The following HMGXB3 variants were observed in gnomAD, a reference collection of about 807,000 sequenced individuals.
The protein encoded by HMGXB3 is HMG domain-containing protein 3.
Under a neutral mutation model 121.5 loss-of-function variants are expected in HMGXB3, and 45 were observed. The observed-to-expected ratio is 0.37, with a 90% confidence interval of 0.29 to 0.47. The LOEUF (loss-of-function observed/expected upper bound fraction) is 0.47. Ranked by LOEUF, HMGXB3 falls within the 20% of genes least tolerant of loss-of-function variation. The pLI is 0.99. For missense variants in HMGXB3, 1,376 were observed against 1,602.2 expected (o/e 0.86, Z 2.41); for synonymous variants, 590 against 624.1 (o/e 0.95, Z 0.81).
intron 5 of HMGXB3, among the ~76,000 whole-genome samples, chr5:150,016,003 C>T (rs896733733): frequency 1.3e-5 from 2 of 152,116 alleles, no homozygotes; most frequent in African/African-American, 4.8e-5. Context: ...TAACGTTCAA[C>T]CCTTTTATAT....
intron 4 of HMGXB3, 129 bp downstream of exon 4, chr5:150,010,737 T>G: frequency 1.1e-6 from 1 of 895,464 alleles, no homozygotes; most frequent in Non-Finnish European, 1.7e-6. Flanking sequence ...GATACTGCAG[T>G]TCTCTTGAAT....
In HMGXB3 at chr5:150,027,034, G is replaced by C. The variant is rs1023230209; in HGVS notation, c.1651G>C (p.Val551Leu). The C allele has an allele frequency of 3.9e-6, 6 of 1,551,600 alleles. No individual in the cohort carries two copies. In the African/African-American group the frequency reaches 8.2e-5, roughly 21 times the overall value. ...GGTTCTCTCAGATAAGACTCCCTCT[G>C]TGAGGACTTGTGGTCTGAAGCCAAG... Reference protein sequence around the residue: ...AFSLSDKTPSVRTCGLKPSTL... With the variant: ...AFSLSDKTPSLRTCGLKPSTL... Residue 551 changes from valine (V) to leucine (L), a missense_variant, in exon 9 of 20, where the codon GTG becomes CTG. This residue lies in a region of HMGXB3 where 1,116 missense variants were observed against 1,369.0 expected (regional missense o/e 0.82). Transcript: ENST00000502717.
intron 1 of HMGXB3, 100 bp from the exon 2 acceptor site, chr5:150,004,751 C>T: frequency 1.3e-6 from 1 of 784,694 alleles, no homozygotes; most frequent in Non-Finnish European, 2.0e-6. Context: ...ATGTCTAAGC[C>T]TTAAGGCACT....
chr5:150,009,167 A>G (rs891016967), intron 3 of HMGXB3, among the ~76,000 whole-genome samples: 2 of 152,202 alleles, frequency 1.3e-5, no homozygotes, highest in Non-Finnish European at 2.9e-5. Context: ...CTTGGTGCCA[A>G]TTAGCCATTC....
intron 6 of HMGXB3, among the ~76,000 whole-genome samples, chr5:150,022,630 A>G (rs1257528452): frequency 1.3e-5 from 2 of 152,140 alleles, no homozygotes; most frequent in African/African-American, 4.8e-5. Flanking sequence ...TTGCTCAAAA[A>G]TCTTATCTCA....
intron 18 of HMGXB3, among the ~76,000 whole-genome samples, chr5:150,049,584 G>C (rs1756843622): frequency 1.3e-5 from 2 of 152,220 alleles, no homozygotes; most frequent in South Asian, 4.1e-4. Context: ...GCAGATCAGA[G>C]CCTGCTCAGG....
chr5:150,018,742 G>A, intron 6 of HMGXB3, 45 bp downstream of exon 6: 2 of 1,498,700 alleles, frequency 1.3e-6, no homozygotes, highest in Non-Finnish European at 1.8e-6. Context: ...TCACAGAATA[G>A]ACTTTCTGTT....
intron 9 of HMGXB3, among the ~76,000 whole-genome samples, chr5:150,029,675 T>C (rs897943263): frequency 2.0e-5 from 3 of 152,228 alleles, no homozygotes; most frequent in African/African-American, 7.2e-5. Context: ...TGACCTGTAG[T>C]TTGAAAACTG....
intron 9 of HMGXB3, among the ~76,000 whole-genome samples, chr5:150,029,330 GTT>G (rs79467916): frequency 6.5e-5 from 9 of 139,444 alleles, no homozygotes; most frequent in Non-Finnish European, 6.2e-5. Flanking sequence ...TAGTTATCAA[GTT>G]TTTTTTTTTT....
chr5:150,028,651 C>T (rs1756303647), intron 9 of HMGXB3, among the ~76,000 whole-genome samples: 3 of 147,834 alleles, frequency 2.0e-5, no homozygotes, highest in South Asian at 4.3e-4. Context: ...ACTGCAGCCT[C>T]GAACTCCTGG....
intron 1 of HMGXB3, among the ~76,000 whole-genome samples, chr5:150,004,024 T>G (rs1490678168): frequency 6.6e-6 from 1 of 151,898 alleles, no homozygotes. Context: ...TTTTTTTTTT[T>G]AATTAAAAAA....
In HMGXB3 at chr5:150,018,546, G is replaced by A; in HGVS notation, c.910-20G>A. On this transcript the variant is annotated intron_variant, in intron 5 of 19. Coordinates refer to ENST00000502717, the MANE Select transcript of HMGXB3 (RefSeq NM_014983.3). ...TGAGAGAGGTTGTTCTATTGATTCT[G>A]ATGTGCTCTTTATTTACAGACCACT... is the stretch of plus-strand genomic sequence containing the variant. 3.9e-6 allele frequency: 6 copies of A among 1,524,176 alleles called. No homozygotes were observed. Among genetic ancestry groups the A allele is most frequent in the Non-Finnish European group, 5.3e-6 (6 of 1,132,554 alleles). 94.4% of individuals were successfully genotyped at this position (1,524,176 alleles called of 1,614,324 possible).
At chr5:150,041,322 T>G (rs939912238) in intron 14 of HMGXB3, among the ~76,000 whole-genome samples, 4 of 152,190 alleles carry the variant, frequency 2.6e-5, no homozygotes, top group Non-Finnish European at 5.9e-5. Context: ...TCCTATAGGC[T>G]CCAATCCCCC....
chr5:150,010,060 T>C, intron 3 of HMGXB3, 51 bp from the exon 4 acceptor site: 1 of 1,511,912 alleles, frequency 6.6e-7, no homozygotes, highest in Non-Finnish European at 8.9e-7. Context: ...CATGTGGTCT[T>C]AGTCCATTTA....
At position 150,052,366 on chromosome 5, in the gene HMGXB3, G is replaced by T. The variant is rs1195439941; in HGVS notation, c.*174G>T. The T allele has an allele frequency of 3.3e-6, 2 of 612,680 alleles. No homozygotes were observed. The highest frequency in any genetic ancestry group is 5.5e-5 in the East Asian group (2 of 36,266). 38.0% of individuals were successfully genotyped at this position (612,680 alleles called of 1,614,324 possible). On this transcript the variant is annotated 3_prime_UTR_variant, in exon 20 of 20. Transcript: ENST00000502717. ...AGCATGGTGGGACCCAGGGTCCTCA[G>T]TTCTCAACCCTCCAGGGGTCAGGAG... is the stretch of plus-strand genomic sequence containing the variant.
At chr5:150,038,989 A>G (rs1450869132) in intron 13 of HMGXB3, among the ~76,000 whole-genome samples, 1 of 152,144 alleles carries the variant, frequency 6.6e-6, no homozygotes, top group Non-Finnish European at 1.5e-5. Flanking sequence ...TCATGTGGTA[A>G]GTGTGTGTTT....
intron 15 of HMGXB3, among the ~76,000 whole-genome samples, 176 bp from the exon 16 acceptor site, chr5:150,045,290 C>T (rs1756731243): frequency 6.6e-6 from 1 of 152,164 alleles, no homozygotes; most frequent in Admixed American, 6.5e-5. Flanking sequence ...AGAAATGTGA[C>T]CAAAAGGCAG....
At chr5:150,046,684 C>T (rs1396732611) in intron 16 of HMGXB3, among the ~76,000 whole-genome samples, 10 of 151,782 alleles carry the variant, frequency 6.6e-5, no homozygotes, top group African/African-American at 7.2e-5. Context: ...TGGTGGCGGG[C>T]GCCTGTAGTC....
intron 7 of HMGXB3, among the ~76,000 whole-genome samples, chr5:150,025,961 G>A (rs1168232435): frequency 6.6e-6 from 1 of 151,994 alleles, no homozygotes; most frequent in African/African-American, 2.4e-5. Flanking sequence ...CTCCCGAGTA[G>A]CTGGGACTGC....
Sources: allele counts gnomAD v4.1 joint callset (sites outside exome capture counted in the v4.1 genomes callset), GRCh38; gene constraint gnomAD v4.1.1; regional missense constraint gnomAD v4.1.1; transcripts MANE v1.5; gene names NCBI Gene and HGNC (gene_info 2026-07-23, HGNC 2026-07-21).